PRKN: variants seen among roughly 807,000 people sequenced by gnomAD.
The protein encoded by PRKN is E3 ubiquitin-protein ligase parkin.
Under a neutral mutation model 59.5 loss-of-function variants are expected in PRKN, and 56 were observed. That is an observed-to-expected ratio of 0.94 (90% confidence interval 0.76 to 1.18). The LOEUF (loss-of-function observed/expected upper bound fraction) is 1.18. PRKN is among the 50% of genes most tolerant of loss of function. PRKN has a pLI of 0.00. For missense variants in PRKN, 657 were observed against 596.4 expected (o/e 1.10, Z -1.06); for synonymous variants, 250 against 222.1 (o/e 1.13, Z -1.12).
chr6:162,502,253 T>C (rs1793410247), intron 1 of PRKN, among the ~76,000 whole-genome samples: 2 of 152,278 alleles, frequency 1.3e-5, no homozygotes, highest in East Asian at 1.9e-4. Flanking sequence ...CTTGACCTTT[T>C]GGGCTCAAGC....
intron 4 of PRKN, among the ~76,000 whole-genome samples, chr6:162,089,060 G>T (rs1220882849): frequency 6.6e-6 from 1 of 152,100 alleles, no homozygotes; most frequent in Non-Finnish European, 1.5e-5. Context: ...TATACACACT[G>T]AACTACAACT....
intron 7 of PRKN, among the ~76,000 whole-genome samples, chr6:161,600,087 C>T (rs1782054851): frequency 6.6e-6 from 1 of 152,180 alleles, no homozygotes; most frequent in African/African-American, 2.4e-5. Flanking sequence ...AGTTCATTTT[C>T]TTAGAAAAGC....
chr6:162,103,294 C>T (rs1780055271), intron 4 of PRKN, among the ~76,000 whole-genome samples: 1 of 152,028 alleles, frequency 6.6e-6, no homozygotes, highest in South Asian at 2.1e-4. Context: ...TTCCATTTCA[C>T]TTGTAAGTAT....
intron 7 of PRKN, among the ~76,000 whole-genome samples, chr6:161,780,986 C>A (rs1164450323): frequency 1.3e-5 from 2 of 152,172 alleles, no homozygotes; most frequent in African/African-American, 4.8e-5. Context: ...ACAAACCGAA[C>A]TATATTTTCT....
At chr6:162,542,488 T>G (rs1180517439) in intron 1 of PRKN, among the ~76,000 whole-genome samples, 1 of 152,112 alleles carries the variant, frequency 6.6e-6, no homozygotes, top group African/African-American at 2.4e-5. Flanking sequence ...CATAAATGTT[T>G]TACATACGGC....
At chr6:162,129,348 A>G (rs958123688) in intron 4 of PRKN, among the ~76,000 whole-genome samples, 6 of 152,346 alleles carry the variant, frequency 3.9e-5, no homozygotes, top group South Asian at 4.1e-4. Context: ...AAATATAAAT[A>G]AGTGTTTGCA....
intron 6 of PRKN, among the ~76,000 whole-genome samples, chr6:161,814,666 C>T (rs1014842247): frequency 9.9e-5 from 15 of 152,144 alleles, no homozygotes; most frequent in African/African-American, 3.6e-4. Flanking sequence ...CCACGCCCAG[C>T]TAATTTTGTA....
Position 162,255,077 on chromosome 6 carries a change from AAAAATAAAAT to A in PRKN, c.412+7438_412+7447del, listed in dbSNP as rs200687735. Among the ~76,000 whole-genome samples, 684 of 138,412 alleles carry A rather than the reference AAAAATAAAAT, an allele frequency of 4.9e-3. 4 individuals carry two copies. The highest frequency in any genetic ancestry group is 0.023 in the East Asian group (104 of 4,572). The allele number at this position is 138,412 out of a possible 152,430, so 90.8% of individuals were successfully genotyped here. The stretch of plus-strand genomic sequence containing the variant: ...ATTAAGTAAACAAAGAGATTCATAC[AAAAATAAAAT>A]AAAATAAAATAAAATAAAATAAAAT... On this transcript the variant is annotated intron_variant, in intron 3 of 11. Transcript: ENST00000366898.
At chr6:162,642,609 T>G (rs894202788) in intron 1 of PRKN, among the ~76,000 whole-genome samples, 1 of 152,018 alleles carries the variant, frequency 6.6e-6, no homozygotes, top group Non-Finnish European at 1.5e-5. Context: ...CAAACCAATA[T>G]AAGTATAGTA....
intron 1 of PRKN, chr6:162,568,483 T>A: frequency 1.5e-6 from 1 of 663,150 alleles, no homozygotes; most frequent in Non-Finnish European, 2.8e-6. Context: ...GCCGGCGGCA[T>A]GGGAGGCATC....
chr6:161,949,468 G>C (rs555710535), intron 6 of PRKN, among the ~76,000 whole-genome samples: 1 of 152,014 alleles, frequency 6.6e-6, no homozygotes, highest in Non-Finnish European at 1.5e-5. Context: ...CCGAGTTTGC[G>C]CCACTGCACT....
At chr6:161,990,302 C>T (rs1781596051) in intron 5 of PRKN, among the ~76,000 whole-genome samples, 1 of 152,186 alleles carries the variant, frequency 6.6e-6, no homozygotes, top group South Asian at 2.1e-4. Flanking sequence ...CTGAAGAAAT[C>T]ATTGAGACAT....
chr6:161,374,361 G>A (rs1329604851), intron 10 of PRKN, among the ~76,000 whole-genome samples: 6 of 148,294 alleles, frequency 4.0e-5, no homozygotes, highest in Admixed American at 6.7e-5. Context: ...TGTGTGCGCC[G>A]TGTGTGTTGT....
At chr6:162,342,740 A>C (rs1784236683) in intron 2 of PRKN, among the ~76,000 whole-genome samples, 3 of 152,164 alleles carry the variant, frequency 2.0e-5, no homozygotes, top group African/African-American at 4.8e-5. Flanking sequence ...ACAGACATAG[A>C]AACTAGAGTG....
At chr6:161,892,851 GT>G (rs753089153) in intron 6 of PRKN, among the ~76,000 whole-genome samples, 1 of 152,214 alleles carries the variant, frequency 6.6e-6, no homozygotes, top group Non-Finnish European at 1.5e-5. Context: ...CCAATATTTA[GT>G]TGTTTTATGA....
intron 2 of PRKN, among the ~76,000 whole-genome samples, chr6:162,414,180 C>G (rs1020337682): frequency 6.6e-6 from 1 of 152,036 alleles, no homozygotes; most frequent in African/African-American, 2.4e-5. Context: ...GAGACTCTGT[C>G]TCAACAATAA....
chr6:162,517,882 T>C (rs373528976), intron 1 of PRKN, among the ~76,000 whole-genome samples: 20 of 152,232 alleles, frequency 1.3e-4, no homozygotes, highest in East Asian at 3.9e-4. Context: ...AATAGATTTA[T>C]GTATACCATG....
chr6:162,428,073 T>C (rs552526345), intron 2 of PRKN, among the ~76,000 whole-genome samples: 8 of 152,306 alleles, frequency 5.3e-5, no homozygotes, highest in African/African-American at 1.9e-4. Context: ...GCAATAACAA[T>C]TACAAATATG....
intron 7 of PRKN, chr6:161,716,112 C>T (rs1183386855): frequency 7.4e-7 from 1 of 1,347,824 alleles, no homozygotes; most frequent in Non-Finnish European, 9.8e-7. Context: ...CTCCTCTAAG[C>T]ACCACTGTGT....
Sources: allele counts gnomAD v4.1 joint callset (sites outside exome capture counted in the v4.1 genomes callset), GRCh38; gene constraint gnomAD v4.1.1; transcripts MANE v1.5; gene names NCBI Gene and HGNC (gene_info 2026-07-23, HGNC 2026-07-21).